Variants in RFX3 observed in about 807,000 individuals in gnomAD.
RFX3 encodes the protein transcription factor RFX3.
Under a neutral mutation model 98.6 loss-of-function variants are expected in RFX3, and 14 were observed. The observed-to-expected ratio is 0.14, with a 90% CI of 0.09 to 0.22. RFX3 has a LOEUF of 0.22. Among genes scored for constraint, RFX3 ranks in the 10% least tolerant of loss-of-function variants. The pLI is 1.00. For missense variants in RFX3, 639 were observed against 926.9 expected (o/e 0.69, Z 4.03); for synonymous variants, 383 against 328.4 (o/e 1.17, Z -1.80).
intron 1 of RFX3, among the ~76,000 whole-genome samples, chr9:3,419,243 T>A (rs185905143): frequency 6.6e-6 from 1 of 152,284 alleles, no homozygotes. Flanking sequence ...AGCACAAAAA[T>A]AGATGCTGTA....
chr9:3,336,360 A>G (rs959904146), intron 3 of RFX3, among the ~76,000 whole-genome samples: 1 of 152,140 alleles, frequency 6.6e-6, no homozygotes, highest in Non-Finnish European at 1.5e-5. Context: ...CAAAAATTAG[A>G]AAGAAAATAA....
intron 1 of RFX3, among the ~76,000 whole-genome samples, chr9:3,424,588 C>G (rs573173228): frequency 6.6e-6 from 1 of 151,648 alleles, no homozygotes; most frequent in African/African-American, 2.4e-5. Flanking sequence ...TCTCGATCTC[C>G]TGACCTCGTG....
chr9:3,379,819 C>T (rs1039126766), intron 2 of RFX3, among the ~76,000 whole-genome samples: 1 of 152,114 alleles, frequency 6.6e-6, no homozygotes, highest in Non-Finnish European at 1.5e-5. Flanking sequence ...AAACGCTTTG[C>T]AGTTTGCAGA....
intron 1 of RFX3, among the ~76,000 whole-genome samples, chr9:3,457,139 CAAAAAAAAAAAA>C (rs1169959832): frequency 0.013 from 306 of 22,824 alleles, 4 homozygotes; most frequent in Middle Eastern, 0.045. Context: ...GACTCCATCT[CAAAAAAAAAAAA>C]AAAAAAAAAA....
At chr9:3,317,572 G>C (rs1830769906) in intron 4 of RFX3, among the ~76,000 whole-genome samples, 1 of 152,202 alleles carries the variant, frequency 6.6e-6, no homozygotes, top group African/African-American at 2.4e-5. Flanking sequence ...TACCATCAGA[G>C]TGAACAGACA....
intron 1 of RFX3, among the ~76,000 whole-genome samples, chr9:3,496,450 T>C (rs980616849): frequency 2.0e-5 from 3 of 151,960 alleles, no homozygotes; most frequent in African/African-American, 2.4e-5. Context: ...ACAATTTTGT[T>C]TCTGATTGTC....
At chr9:3,437,032 T>G (rs1845191016) in intron 1 of RFX3, among the ~76,000 whole-genome samples, 1 of 152,134 alleles carries the variant, frequency 6.6e-6, no homozygotes, top group South Asian at 2.1e-4. Context: ...AGTTTTCTTT[T>G]ATAGCACAAT....
chr9:3,434,290 C>G (rs1478968273), intron 1 of RFX3, among the ~76,000 whole-genome samples: 1 of 152,134 alleles, frequency 6.6e-6, no homozygotes, highest in Non-Finnish European at 1.5e-5. Flanking sequence ...AAATACGCTT[C>G]TAACAGAATA....
At chr9:3,436,042 T>G (rs1845092915) in intron 1 of RFX3, among the ~76,000 whole-genome samples, 1 of 151,930 alleles carries the variant, frequency 6.6e-6, no homozygotes, top group African/African-American at 2.4e-5. Flanking sequence ...GGTAACTATA[T>G]TTGGTCATGT....
chr9:3,338,352 A>C (rs1206024779), intron 3 of RFX3, among the ~76,000 whole-genome samples: 1 of 152,224 alleles, frequency 6.6e-6, no homozygotes, highest in Non-Finnish European at 1.5e-5. Context: ...ATGCAAGAAT[A>C]AATGTTAAAA....
In RFX3 at chr9:3,463,439, G is replaced by A. The variant is rs1039897798; in HGVS notation, c.-9+62308C>T. On this transcript the variant is annotated intron_variant, in intron 1 of 16. Transcript: ENST00000617270. ...ATACAAGGCAATCTAAATGATATTC[G>A]TTTAGATAAAAATCTTTAGCACTCC... is the stretch of plus-strand genomic sequence containing the variant. Among the ~76,000 whole-genome samples, 24 of 151,812 alleles carry A rather than the reference G, an allele frequency of 1.6e-4. 1 individual carries two copies. Among genetic ancestry groups the A allele is most frequent in the African/African-American group, 4.1e-4 (17 of 41,346 alleles).
chr9:3,433,299 A>G (rs1020004213), intron 1 of RFX3, among the ~76,000 whole-genome samples: 1 of 151,630 alleles, frequency 6.6e-6, no homozygotes, highest in Non-Finnish European at 1.5e-5. Flanking sequence ...ACCAACCCCT[A>G]CTCTTCCTCC....
intron 3 of RFX3, 65 bp downstream of exon 3, chr9:3,346,602 T>C: frequency 2.1e-6 from 2 of 941,176 alleles, no homozygotes; most frequent in Non-Finnish European, 3.5e-6. Context: ...TAGTGGGAGG[T>C]GTTCAAAAGT....
chr9:3,504,918 TAA>T (rs1816710620), intron 1 of RFX3, among the ~76,000 whole-genome samples: 1 of 70,528 alleles, frequency 1.4e-5, no homozygotes, highest in Non-Finnish European at 2.3e-5. Context: ...ATATATAATA[TAA>T]CATATATTAT....
At chr9:3,418,472 TG>T (rs1843166252) in intron 1 of RFX3, among the ~76,000 whole-genome samples, 1 of 152,076 alleles carries the variant, frequency 6.6e-6, no homozygotes, top group Admixed American at 6.6e-5. Context: ...CTCCAGCTCC[TG>T]GGTTCAAGCA....
chr9:3,329,754 G>C (rs180721497), intron 4 of RFX3, among the ~76,000 whole-genome samples: 5 of 152,104 alleles, frequency 3.3e-5, no homozygotes, highest in Non-Finnish European at 5.9e-5. Context: ...TAATACAGGT[G>C]GCATGAGAAA....
At chr9:3,305,785 T>C (rs959620638) in intron 4 of RFX3, among the ~76,000 whole-genome samples, 1 of 152,056 alleles carries the variant, frequency 6.6e-6, no homozygotes, top group African/African-American at 2.4e-5. Context: ...TGAATTAGGA[T>C]AAGTTTCTAC....
chr9:3,401,123 G>C (rs1841436207), intron 1 of RFX3, among the ~76,000 whole-genome samples: 1 of 152,170 alleles, frequency 6.6e-6, no homozygotes, highest in Admixed American at 6.5e-5. Context: ...AAGTTAGGAA[G>C]TATTTCTTCT....
chr9:3,477,863 ATC>A (rs1849407446), intron 1 of RFX3, among the ~76,000 whole-genome samples: 1 of 152,144 alleles, frequency 6.6e-6, no homozygotes, highest in South Asian at 2.1e-4. Context: ...ACATTGAACA[ATC>A]TCTATTGACC....
Sources: allele counts gnomAD v4.1 joint callset (sites outside exome capture counted in the v4.1 genomes callset), GRCh38; gene constraint gnomAD v4.1.1; transcripts MANE v1.5; gene names NCBI Gene and HGNC (gene_info 2026-07-23, HGNC 2026-07-21).